NDUFAF7: variants seen among roughly 807,000 people sequenced by gnomAD.
NDUFAF7 encodes the protein NADH:ubiquinone oxidoreductase complex assembly factor 7, also known as protein arginine methyltransferase NDUFAF7, mitochondrial.
NDUFAF7 carries 48 observed loss-of-function variants against 47.2 expected under a neutral mutation model. The observed-to-expected ratio is 1.02, with a 90% confidence interval of 0.81 to 1.29. The LOEUF (loss-of-function observed/expected upper bound fraction) is 1.29, where lower values mean the gene tolerates loss of function less well. Among genes scored for constraint, NDUFAF7 ranks in the 50% most tolerant of loss-of-function variants. The pLI, the probability that NDUFAF7 is intolerant of heterozygous loss-of-function variation, is 0.00. For missense variants in NDUFAF7, 635 were observed against 537.6 expected (o/e 1.18, Z -1.79); for synonymous variants, 217 against 190.0 (o/e 1.14, Z -1.17).
chr2:37,255,713 GA>G (rs1226560632), downstream of NDUFAF7, among the ~76,000 whole-genome samples: 23 of 152,066 alleles, frequency 1.5e-4, no homozygotes, highest in Non-Finnish European at 3.1e-4. Context: ...GAATACTTAA[GA>G]AAAAAATGGG....
chr2:37,252,627 A>G (rs1010586579), downstream of NDUFAF7: 9 of 152,218 alleles, frequency 5.9e-5, no homozygotes, highest in African/African-American at 2.2e-4. Context: ...TTTTCTAGGC[A>G]TCTAAGAAAA....
chr2:37,267,521 G>A, the NDUFAF7 span: 2 of 1,605,400 alleles, frequency 1.2e-6, no homozygotes, highest in South Asian at 2.2e-5. Context: ...ATCCCTCCCA[G>A]TCTTTCTATG....
At chr2:37,256,627 AATTTTTTT>A, downstream of NDUFAF7, 8 of 1,247,316 alleles carry the variant, frequency 6.4e-6, no homozygotes, top group East Asian at 2.7e-5. Flanking sequence ...ACATAGCCAA[AATTTTTTT>A]TTTTTTTTTT....
At chr2:37,270,592 A>T in the NDUFAF7 span, among the ~76,000 whole-genome samples, 7 of 152,144 alleles carry the variant, frequency 4.6e-5, no homozygotes, top group South Asian at 8.3e-4. Flanking sequence ...TACAGGTGTG[A>T]CTGATGAAAG....
chr2:37,232,441 G>A (rs1320683266), intron 2 of NDUFAF7, among the ~76,000 whole-genome samples, 175 bp downstream of exon 2: 2 of 152,220 alleles, frequency 1.3e-5, no homozygotes, highest in African/African-American at 4.8e-5. Context: ...GCTGGCTCAC[G>A]TCAGAGGCAG....
rs897188836 is a variant in NDUFAF7, at chr2:37,242,787, CTTG to C, written c.681+98_681+100del. ...GTATTTATTCAGTATACAAATTTTA[CTTG>C]TTGAGGTTATTTTTAACTATTATTT... On this transcript the variant is annotated intron_variant, in intron 6 of 9. Coordinates refer to ENST00000002125, the MANE Select transcript of NDUFAF7 (RefSeq NM_144736.5). The C allele has an allele frequency of 3.1e-5, 30 of 963,942 alleles. No individual in the cohort carries two copies. The African/African-American group carries it at 4.2e-4, about 13-fold the overall frequency. 59.7% of individuals were successfully genotyped at this position (963,942 alleles called of 1,614,324 possible).
chr2:37,264,660 C>A, the NDUFAF7 span, among the ~76,000 whole-genome samples: 1 of 151,920 alleles, frequency 6.6e-6, no homozygotes, highest in Admixed American at 6.6e-5. Flanking sequence ...GCAGAGGAAA[C>A]AGCTAATGCA....
At chr2:37,234,765 G>A (rs999578984) in intron 2 of NDUFAF7, among the ~76,000 whole-genome samples, 11 of 152,130 alleles carry the variant, frequency 7.2e-5, no homozygotes, top group Non-Finnish European at 8.8e-5. Flanking sequence ...GAGCACAGGC[G>A]GAGGGATTAG....
intron 2 of NDUFAF7, among the ~76,000 whole-genome samples, chr2:37,235,233 G>A (rs1226181151): frequency 6.6e-6 from 1 of 151,844 alleles, no homozygotes; most frequent in Non-Finnish European, 1.5e-5. Context: ...CAGTGGCATG[G>A]ATGTCTGGAC....
At chr2:37,269,704 A>G in the NDUFAF7 span, 3 of 1,551,058 alleles carry the variant, frequency 1.9e-6, no homozygotes, top group African/African-American at 1.4e-5. Context: ...GGATAAAGTA[A>G]GGAGTTAGTA....
At chr2:37,233,616 T>C (rs1665437139) in intron 2 of NDUFAF7, among the ~76,000 whole-genome samples, 2 of 142,336 alleles carry the variant, frequency 1.4e-5, no homozygotes, top group South Asian at 2.2e-4. Context: ...AGCGAGACTC[T>C]GTCTCAAAAA....
downstream of NDUFAF7, chr2:37,251,715 C>A (rs117204682): frequency 6.6e-6 from 1 of 151,822 alleles, no homozygotes; most frequent in Non-Finnish European, 1.5e-5. Flanking sequence ...CTGATCTTCA[C>A]GACAACACTG....
downstream of NDUFAF7, chr2:37,250,564 T>C (rs1667407613): frequency 6.6e-6 from 1 of 152,132 alleles, no homozygotes; most frequent in Non-Finnish European, 1.5e-5. Context: ...AAAATCAGTG[T>C]TTTTAAATAT....
At chr2:37,260,585 G>T in the NDUFAF7 span, among the ~76,000 whole-genome samples, 33 of 152,304 alleles carry the variant, frequency 2.2e-4, no homozygotes, top group Middle Eastern at 6.8e-3. Flanking sequence ...TAGCCGCACT[G>T]AGGGGATAGA....
chr2:37,231,981 T>C (rs1399297229), intron 1 of NDUFAF7, 125 bp from the exon 2 acceptor site: 1 of 1,600,572 alleles, frequency 6.2e-7, no homozygotes, highest in Non-Finnish European at 8.5e-7. Context: ...CTAAGCACAG[T>C]AGCCCGCGGT....
downstream of NDUFAF7, among the ~76,000 whole-genome samples, chr2:37,250,119 A>G (rs535906983): frequency 5.3e-5 from 8 of 151,920 alleles, no homozygotes; most frequent in South Asian, 8.3e-4. Flanking sequence ...CAATGTGGCT[A>G]GGACCTAAAA....
the NDUFAF7 span, among the ~76,000 whole-genome samples, chr2:37,264,079 A>G: frequency 3.3e-5 from 5 of 152,260 alleles, no homozygotes; most frequent in South Asian, 1.0e-3. Context: ...ACATTACCAC[A>G]TAATCTAGGA....
the NDUFAF7 span, among the ~76,000 whole-genome samples, chr2:37,266,081 T>C: frequency 6.6e-6 from 1 of 152,226 alleles, no homozygotes; most frequent in Non-Finnish European, 1.5e-5. Context: ...GCTATTAATA[T>C]TCTATTTAAA....
rs558269171 is a variant in NDUFAF7 at position 37,236,543 on chromosome 2, G to A, written c.297+367G>A. Among the ~76,000 whole-genome samples, 166 of 152,138 alleles carry A rather than the reference G, an allele frequency of 1.1e-3. 1 individual carries two copies. The highest frequency in any genetic ancestry group is 1.2e-3 in the Non-Finnish European group (83 of 67,974). On this transcript the variant is annotated intron_variant, in intron 3 of 9. Transcript: ENST00000002125. The stretch of plus-strand genomic sequence containing the variant: ...TGTAATCCCAGCACTTTGGGAGGCC[G>A]AGGCAGGCGGATCACAAGGTCAGGA...
Sources: gnomAD v4.1 joint callset for allele counts (sites outside exome capture counted in the v4.1 genomes callset) on GRCh38, gnomAD v4.1.1 for gene constraint, MANE v1.5 for transcripts, NCBI Gene and HGNC (gene_info 2026-07-23, HGNC 2026-07-21) for gene names.